The following ANKFN1 variants were observed in gnomAD, a reference collection of about 807,000 sequenced individuals.
ANKFN1 encodes ankyrin repeat and fibronectin type-III domain-containing protein 1.
In ANKFN1, 74 loss-of-function variants were observed where a neutral mutation model predicts 108.7. The ratio of observed to expected loss-of-function variants is 0.68; its 90% confidence interval spans 0.56 to 0.83. The LOEUF is 0.83. Ranked by LOEUF, ANKFN1 falls within the 40% of genes least tolerant of loss-of-function variation. The pLI, the probability that ANKFN1 is intolerant of heterozygous loss-of-function variation, is 0.00. For missense variants in ANKFN1, 1,505 were observed against 1,382.3 expected, an observed-to-expected ratio of 1.09 and a Z score of -1.41; for synonymous variants, 547 against 516.2, an observed-to-expected ratio of 1.06 and a Z score of -0.81.
chr17:56,379,325 G>C (rs1458234969), intron 8 of ANKFN1, among the ~76,000 whole-genome samples: 2 of 151,908 alleles, frequency 1.3e-5, no homozygotes, highest in Non-Finnish European at 2.9e-5. Context: ...CTTGAACCTG[G>C]GAGGCGGAGC....
chr17:56,178,077 C>T (rs933510850), intron 1 of ANKFN1, among the ~76,000 whole-genome samples: 28 of 152,082 alleles, frequency 1.8e-4, no homozygotes, highest in Admixed American at 1.6e-3. Flanking sequence ...GGATGTCATT[C>T]GCCCTCCCTT....
At chr17:56,331,665 T>C (rs1411619068) in intron 4 of ANKFN1, among the ~76,000 whole-genome samples, 1 of 152,224 alleles carries the variant, frequency 6.6e-6, no homozygotes, top group Non-Finnish European at 1.5e-5. Context: ...CTCCATTTAC[T>C]GGCTGTAACA....
At chr17:56,130,828 T>G (rs1456420636) in intron 4 of ANKFN1, among the ~76,000 whole-genome samples, 2 of 152,122 alleles carry the variant, frequency 1.3e-5, no homozygotes, top group Non-Finnish European at 2.9e-5. Flanking sequence ...TGGCAAGCAG[T>G]TTTGCCTCCA....
intron 4 of ANKFN1, among the ~76,000 whole-genome samples, chr17:56,331,038 C>T (rs1419004699): frequency 6.6e-6 from 1 of 152,108 alleles, no homozygotes. Flanking sequence ...ATGTTAACAG[C>T]AGGTGGGGAA....
At chr17:56,188,581 G>GTGTGTGTGTATATATATA (rs1212242378) in intron 1 of ANKFN1, among the ~76,000 whole-genome samples, 11 of 49,646 alleles carry the variant, frequency 2.2e-4, no homozygotes, top group African/African-American at 8.1e-4. Flanking sequence ...GTGTGTGTGT[G>GTGTGTGTGTATATATATA]TATATATATA....
In ANKFN1 at chr17:56,192,982, G is replaced by A. The variant is rs1292420125; in HGVS notation, c.-70-19616G>A. Reference sequence around the variant, plus strand: ...GTTTATTGTGGCATTATTCACAATAGCAAAGACTTGGAACCAACCCAAATG... The same window carrying A: ...GTTTATTGTGGCATTATTCACAATAACAAAGACTTGGAACCAACCCAAATG... On this transcript the variant is annotated intron_variant, in intron 1 of 20. Coordinates refer to ENST00000682825, the MANE Select transcript of ANKFN1 (RefSeq NM_001370326.1). Among the ~76,000 whole-genome samples, 4 of 141,040 alleles carry A rather than the reference G, an allele frequency of 2.8e-5. No homozygotes were observed. In the East Asian group the frequency reaches 8.5e-4, roughly 30 times the overall value. The allele number at this position is 141,040 out of a possible 152,430, so 92.5% of individuals were successfully genotyped here. A position where few individuals can be genotyped will look rare whatever the true frequency, so the allele number is the denominator to read the frequency against.
intron 1 of ANKFN1, among the ~76,000 whole-genome samples, chr17:56,196,849 A>G (rs1329064705): frequency 1.3e-5 from 2 of 152,208 alleles, no homozygotes; most frequent in Non-Finnish European, 2.9e-5. Context: ...ACTTGGGAAG[A>G]AGTTATGGCC....
chr17:56,358,547 C>A (rs187457502), intron 6 of ANKFN1, among the ~76,000 whole-genome samples: 229 of 152,322 alleles, frequency 1.5e-3, no homozygotes, highest in Non-Finnish European at 2.3e-3. Context: ...GACGAATCTA[C>A]TATCTTTATT....
chr17:56,465,618 G>T (rs1598657993), intron 14 of ANKFN1, among the ~76,000 whole-genome samples: 2 of 152,230 alleles, frequency 1.3e-5, no homozygotes, highest in East Asian at 3.9e-4. Flanking sequence ...CAGTGTTCTA[G>T]CTTAGAAATC....
chr17:56,389,438 G>A (rs995874064), intron 8 of ANKFN1, among the ~76,000 whole-genome samples: 3 of 152,316 alleles, frequency 2.0e-5, no homozygotes, highest in Admixed American at 6.5e-5. Context: ...GCTAATGGAT[G>A]CATTTTAAAA....
rs1361307404 is a variant in ANKFN1 at position 56,170,807 on chromosome 17, T to TATATATAC, written c.-71+17278_-71+17279insTATATACA. ...ATATATATATATATATATATATATA[T>TATATATAC]ACACACACACACACACACACACACA... On this transcript the variant is annotated intron_variant, in intron 1 of 20. Transcript: ENST00000682825. 5.7e-3 allele frequency among the ~76,000 whole-genome samples: 350 copies of TATATATAC among 61,412 alleles called. 4 individuals are homozygous for TATATATAC. Among genetic ancestry groups the TATATATAC allele is most frequent in the East Asian group, 0.028 (29 of 1,018 alleles). 40.3% of individuals were successfully genotyped at this position (61,412 alleles called of 152,430 possible).
intron 19 of ANKFN1, among the ~76,000 whole-genome samples, chr17:56,494,558 C>T (rs2051138177): frequency 6.6e-6 from 1 of 151,990 alleles, no homozygotes; most frequent in Non-Finnish European, 1.5e-5. Context: ...GAGACTCCAT[C>T]TCTATTAAAT....
intron 6 of ANKFN1, among the ~76,000 whole-genome samples, chr17:56,367,768 G>T (rs560631093): frequency 3.3e-5 from 5 of 152,250 alleles, no homozygotes; most frequent in African/African-American, 1.2e-4. Flanking sequence ...AGTGAAAGGG[G>T]AATGAATCCA....
intron 3 of ANKFN1, among the ~76,000 whole-genome samples, chr17:56,298,361 T>A (rs2044574399): frequency 6.6e-6 from 1 of 152,252 alleles, no homozygotes; most frequent in Non-Finnish European, 1.5e-5. Flanking sequence ...CTTTTATATT[T>A]AGATAAAAAA....
chr17:56,510,612 C>A lies in ANKFN1; in HGVS notation c.2784C>A (p.Thr928=), dbSNP rs1379391622. 6.5e-7 allele frequency: 1 copy of A among 1,536,196 alleles called. No homozygotes were observed. Among genetic ancestry groups the A allele is most frequent in the East Asian group, 2.4e-5 (1 of 40,910 alleles). ...YLSSHDIAQQ[T]LSGLSGSAPD... ...CATCTCACGACATTGCGCAGCAGAC[C>A]CTTAGCGGCCTAAGCGGCAGCGCCC... Residue 928 remains threonine (T), a synonymous_variant, in exon 21 of 21, where the codon ACC becomes ACA. Coordinates refer to ENST00000682825, the MANE Select transcript of ANKFN1 (RefSeq NM_001370326.1).
rs2046314206 is a variant in ANKFN1 at position 56,354,024 on chromosome 17, A to G, written c.579A>G (p.Thr193=). 6.2e-7 allele frequency: 1 copy of G among 1,613,804 alleles called. No individual in the cohort carries two copies. The highest frequency in any genetic ancestry group is 1.7e-5 in the Admixed American group (1 of 59,962). Residue 193 remains threonine (T), a synonymous_variant, in exon 6 of 21, where the codon ACA becomes ACG. Transcript: ENST00000682825. The part of the protein sequence containing the change: ...NVPIARILLR[T]GARESPHFVS... ...CCATTGCAAGGATTCTTCTGAGGACAGGGGCCCGAGAAAGTCCACACTGTA... is the reference window on the plus strand; with the variant it reads ...CCATTGCAAGGATTCTTCTGAGGACGGGGGCCCGAGAAAGTCCACACTGTA...
chr17:56,437,853 C>T (rs2048976357), intron 8 of ANKFN1, among the ~76,000 whole-genome samples: 1 of 151,750 alleles, frequency 6.6e-6, no homozygotes, highest in Non-Finnish European at 1.5e-5. Context: ...TAATCTTAAT[C>T]ATTTGATTCT....
intron 8 of ANKFN1, among the ~76,000 whole-genome samples, chr17:56,411,672 A>G (rs918131939): frequency 6.6e-6 from 1 of 151,996 alleles, no homozygotes; most frequent in Non-Finnish European, 1.5e-5. Context: ...TTCTATACTG[A>G]TTTTGTGGAG....
At chr17:56,213,362 C>T (rs543920237) in intron 2 of ANKFN1, among the ~76,000 whole-genome samples, 1 of 152,274 alleles carries the variant, frequency 6.6e-6, no homozygotes, top group Non-Finnish European at 1.5e-5. Context: ...CAAGCCTACC[C>T]CCTATAGAAA....
Sources: gnomAD v4.1 joint callset for allele counts (sites outside exome capture counted in the v4.1 genomes callset) on GRCh38, gnomAD v4.1.1 for gene constraint, MANE v1.5 for transcripts, NCBI Gene and HGNC (gene_info 2026-07-23, HGNC 2026-07-21) for gene names.